Variants in DOCK10 observed in about 807,000 individuals in gnomAD.
DOCK10 encodes the protein dedicator of cytokinesis 10.
Under a neutral mutation model 280.1 loss-of-function variants are expected in DOCK10, and 145 were observed. That is an observed-to-expected ratio of 0.52 (90% CI 0.45 to 0.59). The LOEUF (loss-of-function observed/expected upper bound fraction) is 0.59. Ranked by LOEUF, DOCK10 falls within the 20% of genes least tolerant of loss-of-function variation. The pLI is 0.00. For synonymous variants in DOCK10, 915 were observed against 942.2 expected (o/e 0.97, Z 0.53); for missense variants, 2,368 against 2,651.7 (o/e 0.89, Z 2.35).
intron 11 of DOCK10, among the ~76,000 whole-genome samples, chr2:224,868,420 A>C (rs1037275291): frequency 6.6e-6 from 1 of 152,196 alleles, no homozygotes; most frequent in African/African-American, 2.4e-5. Context: ...GCCTATAAAA[A>C]CTAGCATTTT....
intron 1 of DOCK10, among the ~76,000 whole-genome samples, chr2:224,977,191 C>T (rs1221762113): frequency 6.6e-6 from 1 of 152,182 alleles, no homozygotes; most frequent in African/African-American, 2.4e-5. Flanking sequence ...AGATCTTTGG[C>T]AGTCCTAAAT....
At chr2:225,037,592 C>T (rs1265207178) in intron 1 of DOCK10, among the ~76,000 whole-genome samples, 1 of 152,150 alleles carries the variant, frequency 6.6e-6, no homozygotes, top group Non-Finnish European at 1.5e-5. Context: ...ATGTTTAACC[C>T]TATGAGTCTC....
intron 19 of DOCK10, among the ~76,000 whole-genome samples, chr2:224,846,582 C>T (rs1024178249): frequency 2.6e-5 from 4 of 151,368 alleles, no homozygotes; most frequent in South Asian, 2.1e-4. Context: ...CTGCAACCTC[C>T]GCTTCCTGGG....
intron 11 of DOCK10, among the ~76,000 whole-genome samples, chr2:224,868,903 T>C (rs2125651917): frequency 6.6e-6 from 1 of 152,260 alleles, no homozygotes; most frequent in Non-Finnish European, 1.5e-5. Flanking sequence ...AAACCCATCT[T>C]TTTTCCTGAA....
intron 3 of DOCK10, among the ~76,000 whole-genome samples, chr2:224,904,059 G>A (rs535842142): frequency 2.6e-4 from 40 of 151,994 alleles, no homozygotes; most frequent in Admixed American, 1.4e-3. Flanking sequence ...TATACATTTA[G>A]TGTAAAAAAA....
chr2:224,855,038 C>T lies in DOCK10; in HGVS notation c.1813G>A (p.Asp605Asn), dbSNP rs1285910957. 15 of 1,588,440 alleles carry T rather than the reference C, an allele frequency of 9.4e-6. No homozygotes were observed. The highest frequency in any genetic ancestry group is 4.5e-5 in the East Asian group (2 of 43,964). The change falls in exon 16 of 56, where the codon GAC becomes AAC. Residue 605 changes from aspartate (D) to asparagine (N), a missense_variant. This residue lies in a region of DOCK10 where 1,209 missense variants were observed against 1,250.9 expected (regional missense o/e 0.97). Transcript: ENST00000258390. The part of the protein sequence containing the change: ...VKLVSDYRRA[D>N]RISKMQTIPG... ...ATGGTCTGCATTTTGCTTATTCTGT[C>T]GGCCCTGTAAGAGTGCATGAGCAAG...
At chr2:225,038,175 A>G (rs1367160907) in intron 1 of DOCK10, among the ~76,000 whole-genome samples, 1 of 152,206 alleles carries the variant, frequency 6.6e-6, no homozygotes, top group African/African-American at 2.4e-5. Flanking sequence ...TTGCTTTTAA[A>G]TCTGGATAGC....
At chr2:224,824,041 T>A (rs954068937) in intron 27 of DOCK10, among the ~76,000 whole-genome samples, 3 of 152,236 alleles carry the variant, frequency 2.0e-5, no homozygotes, top group African/African-American at 7.2e-5. Context: ...TCTAGATATT[T>A]TGGACATGTA....
intron 1 of DOCK10, among the ~76,000 whole-genome samples, chr2:224,945,967 G>A (rs1481872818): frequency 2.6e-5 from 4 of 152,206 alleles, no homozygotes; most frequent in East Asian, 1.9e-4. Flanking sequence ...TGACAATAGC[G>A]CTGAGGTTGA....
chr2:224,830,690 A>G, intron 26 of DOCK10, 78 bp from the exon 27 acceptor site: 1 of 689,178 alleles, frequency 1.5e-6, no homozygotes, highest in South Asian at 2.9e-5. Flanking sequence ...GCAATATGTA[A>G]TACTATAACA....
chr2:224,916,797 A>G lies in DOCK10; in HGVS notation c.244-13T>C. On this transcript the variant is annotated splice_polypyrimidine_tract_variant and intron_variant, in intron 2 of 55. Coordinates refer to ENST00000258390, the MANE Select transcript of DOCK10 (RefSeq NM_014689.3). ...AAACTGTGGCTGCCTGAAACGAACA[A>G]TGAAAAGAAATTGAGTCCTCCGGCT... The G allele has an allele frequency of 6.3e-7, 1 of 1,598,720 alleles. No individual in the cohort carries two copies. Among genetic ancestry groups the G allele is most frequent in the Non-Finnish European group, 8.5e-7 (1 of 1,170,952 alleles).
chr2:224,934,067 C>T (rs183390623), intron 1 of DOCK10, among the ~76,000 whole-genome samples: 26 of 152,294 alleles, frequency 1.7e-4, no homozygotes, highest in Admixed American at 1.4e-3. Context: ...TAAATCCTAA[C>T]TTGCCTTGAT....
At chr2:224,866,174 G>T (rs761161753) in intron 11 of DOCK10, among the ~76,000 whole-genome samples, 41 of 152,158 alleles carry the variant, frequency 2.7e-4, no homozygotes, top group Non-Finnish European at 4.6e-4. Flanking sequence ...ACTACTCATT[G>T]TATTTTTCTG....
chr2:224,873,530 G>A (rs538124481), intron 11 of DOCK10, among the ~76,000 whole-genome samples: 126 of 147,696 alleles, frequency 8.5e-4, no homozygotes, highest in Admixed American at 1.8e-3. Flanking sequence ...GCACTGAGCT[G>A]AGGCTGCAGT....
intron 48 of DOCK10, among the ~76,000 whole-genome samples, chr2:224,788,577 G>A (rs1691913977): frequency 6.6e-6 from 1 of 152,048 alleles, no homozygotes; most frequent in African/African-American, 2.4e-5. Flanking sequence ...TTTACTTAAT[G>A]AGAGGAGTTC....
rs187107249 is a variant in DOCK10 at position 224,961,034 on chromosome 2, G to A, written c.124-29366C>T. The stretch of plus-strand genomic sequence containing the variant: ...ATTACAGGCGTGAGCCACCGCGCCC[G>A]GCCCCCATCACCAAATTCTAATGAT... On this transcript the variant is annotated intron_variant, in intron 1 of 55. Coordinates refer to ENST00000258390, the MANE Select transcript of DOCK10 (RefSeq NM_014689.3). 3.6e-4 allele frequency among the ~76,000 whole-genome samples: 55 copies of A among 152,240 alleles called. 2 individuals carry two copies. In the East Asian group the frequency reaches 9.3e-3, roughly 26 times the overall value.
intron 39 of DOCK10, among the ~76,000 whole-genome samples, chr2:224,803,845 G>A (rs1420321586): frequency 1.3e-5 from 2 of 152,024 alleles, no homozygotes; most frequent in African/African-American, 2.4e-5. Context: ...TCTATGCAAG[G>A]GATTGTGCTC....
intron 11 of DOCK10, among the ~76,000 whole-genome samples, chr2:224,871,054 T>A (rs1698251605): frequency 6.6e-6 from 1 of 152,094 alleles, no homozygotes; most frequent in Admixed American, 6.6e-5. Context: ...CTTGAACTCC[T>A]GACCTCAGGT....
At chr2:224,863,880 C>A (rs1697694143) in intron 13 of DOCK10, among the ~76,000 whole-genome samples, 1 of 152,204 alleles carries the variant, frequency 6.6e-6, no homozygotes, top group African/African-American at 2.4e-5. Context: ...CTCTTTTTCA[C>A]TTAAGTGGTA....
Sources: gnomAD v4.1 joint callset for allele counts (sites outside exome capture counted in the v4.1 genomes callset) on GRCh38, gnomAD v4.1.1 for gene constraint, gnomAD v4.1.1 regional missense constraint, MANE v1.5 for transcripts, NCBI Gene and HGNC (gene_info 2026-07-23, HGNC 2026-07-21) for gene names.